The following ELMO2 variants were observed in gnomAD, a reference collection of about 807,000 sequenced individuals.
ELMO2 encodes the protein engulfment and cell motility protein 2.
In ELMO2, 37 loss-of-function variants were observed where a neutral mutation model predicts 96.2. That is an observed-to-expected ratio of 0.38 (90% CI 0.30 to 0.51). The LOEUF (loss-of-function observed/expected upper bound fraction) is 0.51, where lower values mean the gene tolerates loss of function less well. Among genes scored for constraint, ELMO2 ranks in the 20% least tolerant of loss-of-function variants. The pLI is 0.88. For missense variants in ELMO2, 561 were observed against 912.6 expected (o/e 0.61, Z 4.96); for synonymous variants, 315 against 329.4 (o/e 0.96, Z 0.47).
At chr20:46,389,247 C>T (rs1470596857) in intron 6 of ELMO2, 27 bp from the exon 7 acceptor site, 2 of 1,605,660 alleles carry the variant, frequency 1.2e-6, no homozygotes, top group Non-Finnish European at 1.7e-6. Flanking sequence ...AAGATATGTG[C>T]CATCTGCTCC....
At chr20:46,393,752 C>T in intron 4 of ELMO2, 151 bp from the exon 5 acceptor site, 1 of 954,862 alleles carries the variant, frequency 1.0e-6, no homozygotes. Flanking sequence ...TTGAAAAAAT[C>T]ATGGCCTCAG....
Position 46,387,113 on chromosome 20 carries a change from A to G in ELMO2, c.525+225T>C, listed in dbSNP as rs557625627. ...GACAATCTAATTCTACTTTGATCAT[A>G]TTTAGTTCTGACGGTCCAGTTCCAT... On this transcript the variant is annotated intron_variant, in intron 8 of 21. Transcript: ENST00000290246. Among the ~76,000 whole-genome samples the G allele has an allele frequency of 2.0e-5, 3 of 152,312 alleles. No individual in the cohort carries two copies. The South Asian group carries it at 6.2e-4, about 32-fold the overall frequency.
chr20:46,378,396 T>C (rs912294221), intron 11 of ELMO2, among the ~76,000 whole-genome samples: 51 of 152,230 alleles, frequency 3.4e-4, no homozygotes, highest in Non-Finnish European at 6.3e-4. Context: ...CAGAAATGAG[T>C]TGAACTTCTA....
chr20:46,391,803 T>C (rs1001523716), intron 6 of ELMO2, among the ~76,000 whole-genome samples: 1 of 152,204 alleles, frequency 6.6e-6, no homozygotes, highest in African/African-American at 2.4e-5. Context: ...ACTGGGCAGA[T>C]GGGGACAGGA....
Position 46,366,236 on chromosome 20 carries a change from A to T in ELMO2, c.*1124T>A, listed in dbSNP as rs938482335. 2 of 152,768 alleles carry T rather than the reference A, an allele frequency of 1.3e-5. No homozygotes were observed. Among genetic ancestry groups the T allele is most frequent in the African/African-American group, 2.4e-5 (1 of 41,554 alleles). 9.5% of individuals were successfully genotyped at this position (152,768 alleles called of 1,614,324 possible). A position where few individuals can be genotyped will look rare whatever the true frequency, so the allele number is the denominator to read the frequency against. On this transcript the variant is annotated 3_prime_UTR_variant, in exon 22 of 22. Transcript: ENST00000290246. ...TATATAAATATATATACACGTCTGT[A>T]TAAGTATGGCCTATAGTAATGAAAA...
chr20:46,381,855 C>T (rs940445856), intron 10 of ELMO2, among the ~76,000 whole-genome samples: 1 of 152,226 alleles, frequency 6.6e-6, no homozygotes, highest in Admixed American at 6.5e-5. Flanking sequence ...TACCTTTTCT[C>T]TTCCACTAAA....
At chr20:46,390,431 G>A (rs1372030149) in intron 6 of ELMO2, among the ~76,000 whole-genome samples, 1 of 152,148 alleles carries the variant, frequency 6.6e-6, no homozygotes, top group Non-Finnish European at 1.5e-5. Flanking sequence ...ACAGTTCTGG[G>A]GAAACTTTAA....
intron 20 of ELMO2, chr20:46,370,076 T>G (rs1415566293): frequency 2.6e-6 from 1 of 382,690 alleles, no homozygotes. Context: ...AAAGTCACCA[T>G]CAGTGGAATA....
intron 9 of ELMO2, among the ~76,000 whole-genome samples, chr20:46,384,696 C>T (rs1363237332): frequency 1.3e-5 from 2 of 151,992 alleles, no homozygotes; most frequent in Non-Finnish European, 1.5e-5. Flanking sequence ...TGGTGACTCA[C>T]ACCTGTAGTC....
rs2059851928 is a variant in ELMO2 at position 46,375,936 on chromosome 20, T to C, written c.808-146A>G. The C allele has an allele frequency of 8.6e-7, 1 of 1,163,784 alleles. No individual in the cohort carries two copies. The highest frequency in any genetic ancestry group is 1.5e-5 in the African/African-American group (1 of 64,872). The allele number at this position is 1,163,784 out of a possible 1,614,324, so 72.1% of individuals were successfully genotyped here. On this transcript the variant is annotated intron_variant, in intron 11 of 21. Transcript: ENST00000290246. This position sits in a 1 kb window ranked among gnomAD's most constrained non-coding sequence, Gnocchi z 4.6. The stretch of plus-strand genomic sequence containing the variant: ...GAGGACTTCATATTCTAGAAGGCGA[T>C]GGAGCATGAATGGGCTTGGTTCAGG...
At position 46,387,556 on chromosome 20, in the gene ELMO2, A is replaced by C. The variant is rs542375591; in HGVS notation, c.426-119T>G. 13 of 634,558 alleles carry C rather than the reference A, an allele frequency of 2.0e-5. No individual in the cohort carries two copies. The South Asian group carries it at 2.3e-4, about 11-fold the overall frequency. The allele number at this position is 634,558 out of a possible 1,614,324, so 39.3% of individuals were successfully genotyped here. On this transcript the variant is annotated intron_variant, in intron 7 of 21. Coordinates refer to ENST00000290246, the MANE Select transcript of ELMO2 (RefSeq NM_133171.5). ...TGAACACCCCATGGGAAATCAGTCGATGCAACTGTAACTGTAAGTGCCTGT... is the reference window on the plus strand; with the variant it reads ...TGAACACCCCATGGGAAATCAGTCGCTGCAACTGTAACTGTAAGTGCCTGT...
chr20:46,376,384 G>A (rs1243796369), intron 11 of ELMO2, among the ~76,000 whole-genome samples: 1 of 151,484 alleles, frequency 6.6e-6, no homozygotes, highest in African/African-American at 2.4e-5. Context: ...CTATCACTCT[G>A]TCCCTGCTCC....
chr20:46,369,359 AAC>A (rs34691585), intron 20 of ELMO2: 47 of 168,888 alleles, frequency 2.8e-4, no homozygotes, highest in South Asian at 1.2e-3. Flanking sequence ...AACAAAACAA[AAC>A]ACACACACAC....
At chr20:46,404,137 C>T (rs904311452) in intron 1 of ELMO2, among the ~76,000 whole-genome samples, 3 of 152,146 alleles carry the variant, frequency 2.0e-5, no homozygotes, top group Admixed American at 6.5e-5. Flanking sequence ...ATTCTCAGCA[C>T]CTCTGAGATG....
In ELMO2 at chr20:46,367,131, C is replaced by T; in HGVS notation, c.*229G>A. ...TTGTTCCTCGTGGCCCAATCCCAGGCTTCATGGTGATGGAGTGGGCAGAGC... is the reference window on the plus strand; with the variant it reads ...TTGTTCCTCGTGGCCCAATCCCAGGTTTCATGGTGATGGAGTGGGCAGAGC... On this transcript the variant is annotated 3_prime_UTR_variant, in exon 22 of 22. Transcript: ENST00000290246. 2 of 405,194 alleles carry T rather than the reference C, an allele frequency of 4.9e-6. No individual in the cohort carries two copies. Among genetic ancestry groups the T allele is most frequent in the South Asian group, 7.8e-5 (1 of 12,778 alleles). The allele number at this position is 405,194 out of a possible 1,614,324, so 25.1% of individuals were successfully genotyped here.
At chr20:46,379,653 C>G (rs1473530299) in intron 11 of ELMO2, among the ~76,000 whole-genome samples, 2 of 152,160 alleles carry the variant, frequency 1.3e-5, no homozygotes, top group Non-Finnish European at 2.9e-5. Flanking sequence ...TGGGTTCTGG[C>G]TGCCCTCTGA....
At chr20:46,388,645 A>T (rs2060092939) in intron 7 of ELMO2, among the ~76,000 whole-genome samples, 3 of 151,520 alleles carry the variant, frequency 2.0e-5, no homozygotes, top group Admixed American at 2.0e-4. Context: ...CTGAAGAGGG[A>T]GGAGCAGGGG....
intron 7 of ELMO2, among the ~76,000 whole-genome samples, chr20:46,388,453 C>T (rs1011857733): frequency 2.0e-5 from 3 of 152,214 alleles, no homozygotes; most frequent in African/African-American, 7.2e-5. Flanking sequence ...CAGCTGCCCA[C>T]CGCATGCATG....
intron 1 of ELMO2, among the ~76,000 whole-genome samples, chr20:46,402,659 A>G (rs951250404): frequency 2.0e-5 from 3 of 152,256 alleles, no homozygotes; most frequent in Admixed American, 1.3e-4. Flanking sequence ...TGACCATAAC[A>G]GCACAGCATT....
Sources: gnomAD v4.1 joint callset for allele counts (sites outside exome capture counted in the v4.1 genomes callset) on GRCh38, gnomAD v4.1.1 for gene constraint, Gnocchi (gnomAD v3.1) non-coding constraint, MANE v1.5 for transcripts, NCBI Gene and HGNC (gene_info 2026-07-23, HGNC 2026-07-21) for gene names.